The following CADPS2 variants were observed in gnomAD, a reference collection of about 807,000 sequenced individuals.
CADPS2 encodes calcium dependent secretion activator 2.
Under a neutral mutation model 172.5 loss-of-function variants are expected in CADPS2, and 93 were observed. That is an observed-to-expected ratio of 0.54 (90% confidence interval 0.46 to 0.64). The LOEUF (loss-of-function observed/expected upper bound fraction) is 0.64. Ranked by LOEUF, CADPS2 falls within the 30% of genes least tolerant of loss-of-function variation. The pLI is 0.00. For missense variants in CADPS2, 1,420 were observed against 1,565.9 expected (o/e 0.91, Z 1.57); for synonymous variants, 546 against 555.2 (o/e 0.98, Z 0.23).
intron 29 of CADPS2, 105 bp downstream of exon 29, chr7:122,325,372 T>C (rs894920864): frequency 2.9e-6 from 2 of 682,390 alleles, no homozygotes; most frequent in Non-Finnish European, 5.2e-6. Context: ...TGCTAATAAG[T>C]GATACTTTTT....
At chr7:122,357,648 G>A (rs2039585481) in intron 27 of CADPS2, among the ~76,000 whole-genome samples, 1 of 152,056 alleles carries the variant, frequency 6.6e-6, no homozygotes, top group Non-Finnish European at 1.5e-5. Context: ...AGCCCTCCCT[G>A]ACCTTGAACT....
intron 8 of CADPS2, among the ~76,000 whole-genome samples, chr7:122,524,855 ATG>A (rs2061081476): frequency 6.6e-6 from 1 of 152,226 alleles, no homozygotes; most frequent in Non-Finnish European, 1.5e-5. Flanking sequence ...ATCTATAAAA[ATG>A]TATGTTTGGG....
At chr7:122,841,667 A>T (rs1034553896) in intron 1 of CADPS2, among the ~76,000 whole-genome samples, 1 of 152,212 alleles carries the variant, frequency 6.6e-6, no homozygotes, top group Non-Finnish European at 1.5e-5. Context: ...CAAAGATCTG[A>T]ATATGCAAAA....
At chr7:122,556,818 C>A (rs73433754) in intron 7 of CADPS2, among the ~76,000 whole-genome samples, 4,312 of 152,142 alleles carry the variant, frequency 0.028, 76 homozygotes, top group South Asian at 0.055. Context: ...GAGCTCAGTT[C>A]CTCTTCAATA....
chr7:122,571,858 A>G (rs940469726), intron 7 of CADPS2, among the ~76,000 whole-genome samples: 2 of 152,168 alleles, frequency 1.3e-5, no homozygotes, highest in African/African-American at 4.8e-5. Flanking sequence ...TTATCATGGA[A>G]CTTCTAAAAA....
At chr7:122,702,542 C>G (rs753076774) in intron 2 of CADPS2, 6 of 1,613,512 alleles carry the variant, frequency 3.7e-6, no homozygotes, top group Non-Finnish European at 5.1e-6. Flanking sequence ...ACCAGACACC[C>G]TTTCCAGAGG....
chr7:122,467,604 G>A (rs1207046161), intron 14 of CADPS2, among the ~76,000 whole-genome samples: 2 of 152,172 alleles, frequency 1.3e-5, no homozygotes, highest in African/African-American at 4.8e-5. Flanking sequence ...AAGCACATCT[G>A]AGCTGGCGTT....
chr7:122,880,595 C>T (rs1323345471), intron 1 of CADPS2, among the ~76,000 whole-genome samples: 1 of 152,108 alleles, frequency 6.6e-6, no homozygotes, highest in African/African-American at 2.4e-5. Flanking sequence ...GGTTCTCAAC[C>T]TTGACTGTAC....
At chr7:122,702,529 C>G in intron 2 of CADPS2, 1 of 1,613,536 alleles carries the variant, frequency 6.2e-7, no homozygotes, top group South Asian at 1.1e-5. Flanking sequence ...GAAGTGCCAC[C>G]ACACCAGACA....
intron 20 of CADPS2, among the ~76,000 whole-genome samples, chr7:122,401,460 T>C (rs563424417): frequency 3.5e-4 from 53 of 152,276 alleles, no homozygotes; most frequent in African/African-American, 1.3e-3. Context: ...AAGAAATGAT[T>C]TGTGCCATTT....
chr7:122,484,671 T>G (rs2057625197), intron 11 of CADPS2, among the ~76,000 whole-genome samples: 1 of 151,988 alleles, frequency 6.6e-6, no homozygotes, highest in African/African-American at 2.4e-5. Flanking sequence ...AATTTCTTTT[T>G]TTTTTTTTCT....
chr7:122,455,837 G>T (rs2053699843), intron 14 of CADPS2, among the ~76,000 whole-genome samples: 1 of 152,032 alleles, frequency 6.6e-6, no homozygotes, highest in Admixed American at 6.6e-5. Flanking sequence ...CTCCCAAGTG[G>T]CTGGGATTAC....
intron 2 of CADPS2, among the ~76,000 whole-genome samples, chr7:122,705,541 T>C (rs1473637888): frequency 1.7e-5 from 2 of 119,486 alleles, no homozygotes; most frequent in African/African-American, 3.3e-5. Context: ...ATCTATATTA[T>C]ATATTATATA....
At chr7:122,646,464 A>G (rs536781225) in intron 3 of CADPS2, among the ~76,000 whole-genome samples, 24 of 152,162 alleles carry the variant, frequency 1.6e-4, no homozygotes, top group Admixed American at 1.2e-3. Flanking sequence ...ACACAGGGGC[A>G]GGAAGGCTTT....
At chr7:122,836,559 G>C (rs539363664) in intron 1 of CADPS2, among the ~76,000 whole-genome samples, 1 of 152,176 alleles carries the variant, frequency 6.6e-6, no homozygotes, top group Non-Finnish European at 1.5e-5. Context: ...GACACACATA[G>C]GCTCAAAATA....
chr7:122,658,530 T>C (rs1279027615), intron 3 of CADPS2, among the ~76,000 whole-genome samples: 2 of 152,172 alleles, frequency 1.3e-5, no homozygotes, highest in Admixed American at 6.5e-5. Flanking sequence ...GTGGCACATA[T>C]ACACCATGGA....
At chr7:122,512,698 CAGTT>C (rs2060088015) in intron 9 of CADPS2, among the ~76,000 whole-genome samples, 1 of 151,890 alleles carries the variant, frequency 6.6e-6, no homozygotes, top group African/African-American at 2.4e-5. Flanking sequence ...TTAAATATGC[CAGTT>C]AGTACAAATA....
At chr7:122,407,778 T>C (rs1483614977) in intron 19 of CADPS2, 82 bp from the exon 20 acceptor site, 2 of 1,298,474 alleles carry the variant, frequency 1.5e-6, no homozygotes, top group East Asian at 2.5e-5. Context: ...TTGAAAATAT[T>C]TTATAACATG....
At chr7:122,716,657 A>G (rs2089653412) in intron 2 of CADPS2, among the ~76,000 whole-genome samples, 2 of 152,152 alleles carry the variant, frequency 1.3e-5, no homozygotes, top group South Asian at 4.1e-4. Context: ...GTGCACATGT[A>G]CCCTAGAACT....
Sources: gnomAD v4.1 joint callset for allele counts (sites outside exome capture counted in the v4.1 genomes callset) on GRCh38, gnomAD v4.1.1 for gene constraint, MANE v1.5 for transcripts, NCBI Gene and HGNC (gene_info 2026-07-23, HGNC 2026-07-21) for gene names.